The following GPR158 variants were observed in gnomAD, a reference collection of about 807,000 sequenced individuals.
GPR158 encodes G protein-coupled receptor 158.
GPR158 carries 30 observed loss-of-function variants against 78.2 expected under a neutral mutation model. The observed-to-expected ratio is 0.38, with a 90% confidence interval of 0.29 to 0.52. The LOEUF is 0.52. Ranked by LOEUF, GPR158 falls within the 20% of genes least tolerant of loss-of-function variation. GPR158 has a pLI of 0.83. For synonymous variants in GPR158, 581 were observed against 591.1 expected, an observed-to-expected ratio of 0.98 and a Z score of 0.25; for missense variants, 1,463 against 1,523.5, an observed-to-expected ratio of 0.96 and a Z score of 0.66.
intron 2 of GPR158, among the ~76,000 whole-genome samples, chr10:25,337,020 A>G (rs1351023001): frequency 6.6e-6 from 1 of 152,128 alleles, no homozygotes; most frequent in East Asian, 1.9e-4. Flanking sequence ...TAAGTAATTT[A>G]TAACTGTAGG....
intron 2 of GPR158, among the ~76,000 whole-genome samples, chr10:25,357,082 G>A (rs71495439): frequency 0.1 from 15,144 of 152,070 alleles, 1,863 homozygotes; most frequent in African/African-American, 0.3. Flanking sequence ...TAGCAAAGAG[G>A]CTGGTGGCAT....
chr10:25,497,992 T>G lies in GPR158; in HGVS notation c.1404+31273T>G, dbSNP rs553024443. On this transcript the variant is annotated intron_variant, in intron 5 of 10. Transcript: ENST00000376351. ...ACTTGATCTTGGACCAGTTTAGCAT[T>G]TTGGAAATAAATTTTAAAATGTTAA... Among the ~76,000 whole-genome samples, 7 of 152,288 alleles carry G rather than the reference T, an allele frequency of 4.6e-5. No homozygotes were observed. The East Asian group carries it at 1.4e-3, about 29-fold the overall frequency.
chr10:25,213,247 C>T (rs577137964), intron 1 of GPR158, among the ~76,000 whole-genome samples: 2 of 152,032 alleles, frequency 1.3e-5, no homozygotes, highest in East Asian at 3.9e-4. Flanking sequence ...TTAAAGGGAA[C>T]ATCTTAAAAA....
At chr10:25,363,966 A>T (rs898455451) in intron 2 of GPR158, among the ~76,000 whole-genome samples, 2 of 151,982 alleles carry the variant, frequency 1.3e-5, no homozygotes, top group Admixed American at 6.6e-5. Context: ...ATTATAATTA[A>T]TCGCATCTAC....
intron 1 of GPR158, among the ~76,000 whole-genome samples, chr10:25,178,469 C>G (rs764461035): frequency 6.6e-6 from 1 of 152,234 alleles, no homozygotes; most frequent in Non-Finnish European, 1.5e-5. Flanking sequence ...TAAATGAACT[C>G]AGTGCCTTCT....
chr10:25,473,132 A>G (rs1337074651), intron 5 of GPR158, among the ~76,000 whole-genome samples: 2 of 151,920 alleles, frequency 1.3e-5, no homozygotes, highest in African/African-American at 4.8e-5. Context: ...ACGTCCCATC[A>G]ATACCTAATT....
intron 2 of GPR158, among the ~76,000 whole-genome samples, chr10:25,282,787 A>AT (rs1411966044): frequency 5.3e-5 from 8 of 152,000 alleles, no homozygotes; most frequent in African/African-American, 1.4e-4. Flanking sequence ...TTTCTGCTTA[A>AT]TTTTTGAGTG....
intron 2 of GPR158, among the ~76,000 whole-genome samples, chr10:25,332,797 C>T (rs1366909790): frequency 6.6e-6 from 1 of 152,132 alleles, no homozygotes; most frequent in Non-Finnish European, 1.5e-5. Context: ...AAAAATTCGA[C>T]ACTAATCTTA....
At chr10:25,533,698 C>T (rs540513504) in intron 5 of GPR158, among the ~76,000 whole-genome samples, 1 of 152,276 alleles carries the variant, frequency 6.6e-6, no homozygotes, top group Admixed American at 6.5e-5. Flanking sequence ...ACAAATTGGT[C>T]AACATTTTAT....
chr10:25,465,840 G>T (rs192497375), intron 4 of GPR158, among the ~76,000 whole-genome samples: 1 of 152,164 alleles, frequency 6.6e-6, no homozygotes, highest in Non-Finnish European at 1.5e-5. Flanking sequence ...GCAAGATCTC[G>T]TTTGTAAATT....
At chr10:25,492,131 AAGAG>A (rs1033578272) in intron 5 of GPR158, among the ~76,000 whole-genome samples, 1 of 139,700 alleles carries the variant, frequency 7.2e-6, no homozygotes, top group Non-Finnish European at 1.6e-5. Flanking sequence ...GAGAGGAAGA[AAGAG>A]AGAGCAAGAA....
chr10:25,553,262 C>A (rs1194489183), intron 6 of GPR158, among the ~76,000 whole-genome samples: 2 of 152,148 alleles, frequency 1.3e-5, no homozygotes, highest in East Asian at 3.8e-4. Context: ...ATTTGGGAAA[C>A]TGTGTTATAA....
chr10:25,373,002 A>G lies in GPR158; in HGVS notation c.1009-22909A>G, dbSNP rs192514336. Among the ~76,000 whole-genome samples the G allele has an allele frequency of 1.2e-3, 181 of 152,028 alleles. 2 individuals are homozygous for G. The highest frequency in any genetic ancestry group is 3.9e-3 in the African/African-American group (163 of 41,530). ...CTGTCATAAAAACACATGCATGCCT[A>G]TGTTCATTGCAGCACTATTCATGAT... On this transcript the variant is annotated intron_variant, in intron 2 of 10. Transcript: ENST00000376351.
chr10:25,413,980 A>G (rs909305535), intron 4 of GPR158, among the ~76,000 whole-genome samples: 16 of 152,216 alleles, frequency 1.1e-4, no homozygotes, highest in African/African-American at 3.9e-4. Flanking sequence ...CCTAGATAAA[A>G]TTATAGGTTT....
intron 2 of GPR158, among the ~76,000 whole-genome samples, chr10:25,355,227 C>A (rs1302940231): frequency 3.0e-5 from 4 of 132,770 alleles, no homozygotes; most frequent in Non-Finnish European, 6.0e-5. Flanking sequence ...CTTTTTTTTC[C>A]TTTTTCTCCT....
chr10:25,428,713 T>G (rs1834855599), intron 4 of GPR158, among the ~76,000 whole-genome samples: 3 of 152,070 alleles, frequency 2.0e-5, no homozygotes, highest in Admixed American at 2.0e-4. Flanking sequence ...TGCTTTCAGT[T>G]CCGTACCTTT....
intron 5 of GPR158, 142 bp downstream of exon 5, chr10:25,466,861 T>G (rs1477027670): frequency 2.2e-6 from 1 of 458,232 alleles, no homozygotes; most frequent in Admixed American, 3.9e-5. Flanking sequence ...TTGTCTTACT[T>G]GAAAGAAAGA....
intron 2 of GPR158, among the ~76,000 whole-genome samples, chr10:25,322,848 T>TTTG (rs1854971643): frequency 2.0e-5 from 3 of 151,868 alleles, no homozygotes; most frequent in African/African-American, 7.3e-5. Flanking sequence ...AAGTCTTTTT[T>TTTG]TTTGTTTGTT....
chr10:25,556,221 C>T (rs1836784428), intron 6 of GPR158, among the ~76,000 whole-genome samples: 1 of 152,090 alleles, frequency 6.6e-6, no homozygotes, highest in Non-Finnish European at 1.5e-5. Context: ...AATATAAATG[C>T]CTCTGGAATC....
Sources: gnomAD v4.1 joint callset for allele counts (sites outside exome capture counted in the v4.1 genomes callset) on GRCh38, gnomAD v4.1.1 for gene constraint, MANE v1.5 for transcripts, NCBI Gene and HGNC (gene_info 2026-07-23, HGNC 2026-07-21) for gene names.